The following BABAM2 variants were observed in gnomAD, a reference collection of about 807,000 sequenced individuals.
BABAM2 encodes the protein BRISC and BRCA1-A complex member 2.
BABAM2 carries 31 observed loss-of-function variants against 54.7 expected under a neutral mutation model. The observed-to-expected ratio is 0.57, with a 90% confidence interval of 0.43 to 0.77. The LOEUF (loss-of-function observed/expected upper bound fraction) is 0.77, where lower values mean the gene tolerates loss of function less well. Among genes scored for constraint, BABAM2 ranks in the 30% least tolerant of loss-of-function variants. The pLI is 0.00. For synonymous variants in BABAM2, 167 were observed against 162.9 expected, an observed-to-expected ratio of 1.03 and a Z score of -0.19; for missense variants, 364 against 455.8, an observed-to-expected ratio of 0.80 and a Z score of 1.83.
chr2:28,266,993 TA>T (rs1469036903), intron 10 of BABAM2, among the ~76,000 whole-genome samples: 3 of 152,142 alleles, frequency 2.0e-5, no homozygotes, highest in Non-Finnish European at 4.4e-5. Context: ...CCATTTCTAC[TA>T]AAAATACAAA....
intron 7 of BABAM2, among the ~76,000 whole-genome samples, chr2:28,192,394 A>C (rs969187267): frequency 6.6e-6 from 1 of 152,006 alleles, no homozygotes; most frequent in Admixed American, 6.5e-5. Flanking sequence ...ATTTATACAT[A>C]CGTAAAAAAC....
chr2:28,168,368 A>G (rs1673940699), intron 7 of BABAM2, among the ~76,000 whole-genome samples: 1 of 152,240 alleles, frequency 6.6e-6, no homozygotes, highest in Non-Finnish European at 1.5e-5. Flanking sequence ...CTCACGTAGT[A>G]TAATCAGAGG....
chr2:28,029,636 A>G (rs1279643896), intron 5 of BABAM2, among the ~76,000 whole-genome samples: 3 of 152,096 alleles, frequency 2.0e-5, no homozygotes, highest in Non-Finnish European at 4.4e-5. Flanking sequence ...CCTCTTGGCT[A>G]TTGTGAATCA....
At chr2:28,251,205 A>G (rs987438958) in intron 10 of BABAM2, among the ~76,000 whole-genome samples, 1 of 152,102 alleles carries the variant, frequency 6.6e-6, no homozygotes, top group African/African-American at 2.4e-5. Context: ...AAGTAAAAGG[A>G]AAGCAATTAT....
At chr2:28,032,393 C>T (rs532791747) in intron 5 of BABAM2, among the ~76,000 whole-genome samples, 1 of 152,102 alleles carries the variant, frequency 6.6e-6, no homozygotes, top group African/African-American at 2.4e-5. Context: ...GACAAGTCTG[C>T]GAATTTGAAA....
At chr2:27,914,678 G>A (rs1471213438) in intron 2 of BABAM2, among the ~76,000 whole-genome samples, 1 of 152,066 alleles carries the variant, frequency 6.6e-6, no homozygotes, top group Admixed American at 6.6e-5. Flanking sequence ...ATTTTAGAGG[G>A]CCTTGATTTA....
chr2:28,049,490 CT>C (rs1344470848), intron 6 of BABAM2, among the ~76,000 whole-genome samples: 1 of 152,116 alleles, frequency 6.6e-6, no homozygotes, highest in Non-Finnish European at 1.5e-5. Flanking sequence ...AGTACTTGGA[CT>C]TTTATTGGCA....
intron 7 of BABAM2, among the ~76,000 whole-genome samples, chr2:28,192,259 C>T (rs1489945549): frequency 2.6e-5 from 4 of 152,116 alleles, no homozygotes; most frequent in African/African-American, 9.7e-5. Context: ...TGGTCTTGAT[C>T]TCCTGACCTC....
chr2:28,073,404 A>G (rs777610000), intron 6 of BABAM2, among the ~76,000 whole-genome samples: 1 of 152,162 alleles, frequency 6.6e-6, no homozygotes, highest in Non-Finnish European at 1.5e-5. Context: ...AGGCTGAGGC[A>G]GGAGGACCAT....
At chr2:27,966,405 TA>T (rs1670848819) in intron 3 of BABAM2, among the ~76,000 whole-genome samples, 3 of 152,214 alleles carry the variant, frequency 2.0e-5, no homozygotes, top group Non-Finnish European at 4.4e-5. Flanking sequence ...AATATATCAT[TA>T]ACTCCTGGGT....
At chr2:28,044,973 C>T (rs1050417548) in intron 5 of BABAM2, among the ~76,000 whole-genome samples, 1 of 151,554 alleles carries the variant, frequency 6.6e-6, no homozygotes, top group Non-Finnish European at 1.5e-5. Context: ...TTGAAAACTC[C>T]TCCTCTAGAC....
chr2:28,214,674 G>A lies in BABAM2; in HGVS notation c.681-22528G>A, dbSNP rs1331875793. ...TCTTGCCTTGTTCCCAATCCTAGGT[G>A]GGGAAACATTTAGTTTTTGTCATTA... On this transcript the variant is annotated intron_variant, in intron 7 of 11. Transcript: ENST00000379624. 1.3e-5 allele frequency among the ~76,000 whole-genome samples: 2 copies of A among 152,116 alleles called. 1 individual carries two copies. The highest frequency in any genetic ancestry group is 3.9e-4 in the East Asian group (2 of 5,182).
At chr2:28,129,119 A>G (rs1008019906) in intron 6 of BABAM2, 152 bp from the exon 7 acceptor site, 9 of 682,492 alleles carry the variant, frequency 1.3e-5, no homozygotes, top group Admixed American at 7.2e-5. Flanking sequence ...AGGAGTGGGT[A>G]GGTGTGTGGA....
intron 7 of BABAM2, among the ~76,000 whole-genome samples, chr2:28,191,086 T>C (rs887962034): frequency 6.6e-6 from 1 of 151,888 alleles, no homozygotes; most frequent in African/African-American, 2.4e-5. Context: ...TTATCCAGAG[T>C]ATACAAAGAA....
chr2:28,282,824 C>A (rs1686477890), intron 10 of BABAM2, among the ~76,000 whole-genome samples: 1 of 151,444 alleles, frequency 6.6e-6, no homozygotes, highest in Non-Finnish European at 1.5e-5. Context: ...ATGGTGAAAC[C>A]CCATCTCTAC....
intron 11 of BABAM2, among the ~76,000 whole-genome samples, chr2:28,301,150 G>A (rs1315239180): frequency 6.6e-6 from 1 of 152,194 alleles, no homozygotes; most frequent in East Asian, 1.9e-4. Flanking sequence ...GTGCGTAAAA[G>A]GCTATAATTC....
intron 7 of BABAM2, among the ~76,000 whole-genome samples, chr2:28,155,936 T>C (rs1157972088): frequency 1.3e-5 from 2 of 152,148 alleles, no homozygotes; most frequent in Non-Finnish European, 2.9e-5. Context: ...TAACATGAGG[T>C]ACTTACATTT....
chr2:27,933,569 A>G (rs1045239202), intron 3 of BABAM2, among the ~76,000 whole-genome samples: 2 of 151,818 alleles, frequency 1.3e-5, no homozygotes, highest in African/African-American at 4.8e-5. Context: ...CCCGGGTTCA[A>G]GCAATTCTCC....
intron 3 of BABAM2, among the ~76,000 whole-genome samples, chr2:27,974,265 C>T (rs1251875670): frequency 6.6e-6 from 1 of 152,002 alleles, no homozygotes; most frequent in African/African-American, 2.4e-5. Context: ...AAACTATAGG[C>T]CAGTATCCCT....
Sources: allele counts gnomAD v4.1 joint callset (sites outside exome capture counted in the v4.1 genomes callset), GRCh38; gene constraint gnomAD v4.1.1; transcripts MANE v1.5; gene names NCBI Gene and HGNC (gene_info 2026-07-23, HGNC 2026-07-21).